Variants in UBE2G1 observed in about 807,000 individuals in gnomAD.
UBE2G1 encodes the protein ubiquitin-conjugating enzyme E2 G1.
A neutral mutation model predicts 22.7 loss-of-function variants in UBE2G1; 5 were observed. The observed-to-expected ratio is 0.22, with a 90% confidence interval of 0.12 to 0.46. UBE2G1 has a LOEUF of 0.46. Ranked by LOEUF, UBE2G1 falls within the 20% of genes least tolerant of loss-of-function variation. UBE2G1 has a pLI of 0.99. For synonymous variants in UBE2G1, 74 were observed against 67.5 expected, an observed-to-expected ratio of 1.10 and a Z score of -0.47; for missense variants, 88 against 203.9, an observed-to-expected ratio of 0.43 and a Z score of 3.46.
chr17:4,323,957 T>C (rs534039245), intron 1 of UBE2G1, among the ~76,000 whole-genome samples: 11 of 152,180 alleles, frequency 7.2e-5, no homozygotes, highest in Non-Finnish European at 1.3e-4. Context: ...CAGGCAAGGA[T>C]GATCAATGGA....
intron 1 of UBE2G1, among the ~76,000 whole-genome samples, chr17:4,362,712 T>C (rs887292978): frequency 6.6e-6 from 1 of 152,318 alleles, no homozygotes; most frequent in East Asian, 1.9e-4. Flanking sequence ...ATACAAAAAT[T>C]AGCCTGGCGT....
intron 5 of UBE2G1, among the ~76,000 whole-genome samples, chr17:4,279,345 G>GTA (rs141328433): frequency 0.012 from 1,785 of 151,034 alleles, 28 homozygotes; most frequent in African/African-American, 0.039. Context: ...TCTGATTGTA[G>GTA]AACATAACAG....
intron 1 of UBE2G1, among the ~76,000 whole-genome samples, chr17:4,349,322 C>T (rs1969817034): frequency 6.6e-6 from 1 of 152,006 alleles, no homozygotes; most frequent in Non-Finnish European, 1.5e-5. Context: ...GGTGTGACAC[C>T]ATATATGTTT....
intron 1 of UBE2G1, among the ~76,000 whole-genome samples, chr17:4,348,509 C>A (rs1202929428): frequency 6.8e-6 from 1 of 147,970 alleles, no homozygotes; most frequent in Admixed American, 6.8e-5. Flanking sequence ...GCCGAGATCC[C>A]GCCACTGCAC....
chr17:4,311,813 A>G (rs1426868706), intron 1 of UBE2G1, among the ~76,000 whole-genome samples: 1 of 152,206 alleles, frequency 6.6e-6, no homozygotes, highest in Non-Finnish European at 1.5e-5. Flanking sequence ...TTTTTCTGAC[A>G]CCAGATTTCT....
chr17:4,336,320 T>C (rs1388047038), intron 1 of UBE2G1, among the ~76,000 whole-genome samples: 1 of 151,954 alleles, frequency 6.6e-6, no homozygotes, highest in Non-Finnish European at 1.5e-5. Flanking sequence ...AAGAGACAAA[T>C]CTAAAATAGA....
At chr17:4,302,947 T>G (rs1263705103) in intron 2 of UBE2G1, among the ~76,000 whole-genome samples, 1 of 152,218 alleles carries the variant, frequency 6.6e-6, no homozygotes, top group Non-Finnish European at 1.5e-5. Context: ...AAAACTGCTC[T>G]GGAACATCCA....
intron 1 of UBE2G1, among the ~76,000 whole-genome samples, chr17:4,349,864 T>C (rs1277849571): frequency 6.6e-6 from 1 of 152,006 alleles, no homozygotes; most frequent in Non-Finnish European, 1.5e-5. Flanking sequence ...AAATTACATT[T>C]AACCTCAAAT....
At chr17:4,322,099 TAAG>T (rs1969447163) in intron 1 of UBE2G1, among the ~76,000 whole-genome samples, 1 of 152,172 alleles carries the variant, frequency 6.6e-6, no homozygotes, top group African/African-American at 2.4e-5. Flanking sequence ...AATGGAAGTA[TAAG>T]AAGTGGATTC....
At chr17:4,325,148 C>A (rs970410941) in intron 1 of UBE2G1, among the ~76,000 whole-genome samples, 2 of 151,890 alleles carry the variant, frequency 1.3e-5, no homozygotes, top group African/African-American at 4.8e-5. Context: ...TTCAAAAATT[C>A]AATCTGAAGA....
At chr17:4,301,894 G>T in intron 2 of UBE2G1, 2 of 492,484 alleles carry the variant, frequency 4.1e-6, no homozygotes, top group Admixed American at 4.6e-5. Context: ...TTGAAGCTTC[G>T]TGGGGTTCTG....
intron 2 of UBE2G1, among the ~76,000 whole-genome samples, chr17:4,298,988 T>C (rs1395026661): frequency 6.6e-6 from 1 of 152,232 alleles, no homozygotes; most frequent in African/African-American, 2.4e-5. Context: ...CCTGTTGCTC[T>C]GTGTAAGTTA....
At chr17:4,366,050 A>C (rs76655185) in intron 1 of UBE2G1, among the ~76,000 whole-genome samples, 65,649 of 151,882 alleles carry the variant, frequency 0.43, 16,432 homozygotes, top group African/African-American at 0.7. Flanking sequence ...CGCCAGGCCC[A>C]GTCCCTGGGC....
chr17:4,282,446 A>G (rs1968905639), intron 5 of UBE2G1, among the ~76,000 whole-genome samples: 1 of 152,268 alleles, frequency 6.6e-6, no homozygotes, highest in Non-Finnish European at 1.5e-5. Context: ...TACATAATAC[A>G]GTATATGAAG....
chr17:4,301,265 T>A (rs1015753136), intron 2 of UBE2G1: 2 of 386,400 alleles, frequency 5.2e-6, no homozygotes, highest in Admixed American at 7.3e-5. Flanking sequence ...GATCACTGAC[T>A]TGGCTGTGCT....
chr17:4,338,976 C>G (rs1010648683), intron 1 of UBE2G1, among the ~76,000 whole-genome samples: 3 of 152,134 alleles, frequency 2.0e-5, no homozygotes, highest in Non-Finnish European at 4.4e-5. Flanking sequence ...GGACTGGTAC[C>G]GCTCGGGAGT....
At chr17:4,326,804 A>G (rs985120845) in intron 1 of UBE2G1, among the ~76,000 whole-genome samples, 6 of 152,232 alleles carry the variant, frequency 3.9e-5, no homozygotes, top group Admixed American at 6.5e-5. Context: ...TGAACTTGAA[A>G]ATATTATGCC....
At chr17:4,325,213 G>A (rs961465232) in intron 1 of UBE2G1, among the ~76,000 whole-genome samples, 2 of 152,056 alleles carry the variant, frequency 1.3e-5, no homozygotes, top group South Asian at 2.1e-4. Flanking sequence ...TAAGATACAC[G>A]TCAAATATTT....
chr17:4,354,427 T>G (rs575503662), intron 1 of UBE2G1, among the ~76,000 whole-genome samples: 11 of 152,100 alleles, frequency 7.2e-5, no homozygotes, highest in Non-Finnish European at 1.5e-4. Context: ...CAAAGAACCC[T>G]CCGAAATTAC....
Sources: allele counts gnomAD v4.1 joint callset (sites outside exome capture counted in the v4.1 genomes callset), GRCh38; gene constraint gnomAD v4.1.1; transcripts MANE v1.5; gene names NCBI Gene and HGNC (gene_info 2026-07-23, HGNC 2026-07-21).